CCDC7: variants seen among roughly 807,000 people sequenced by gnomAD.
The protein encoded by CCDC7 is coiled-coil domain-containing protein 7.
CCDC7 carries 183 observed loss-of-function variants against 196.9 expected under a neutral mutation model. That is an observed-to-expected ratio of 0.93 (90% CI 0.82 to 1.05). The LOEUF is 1.05. CCDC7 is among the 50% of genes least tolerant of loss of function. The pLI, the probability that CCDC7 is intolerant of heterozygous loss-of-function variation, is 0.00. For missense variants in CCDC7, 1,540 were observed against 1,482.2 expected (o/e 1.04, Z -0.64); for synonymous variants, 525 against 484.6 (o/e 1.08, Z -1.10).
intron 16 of CCDC7, among the ~76,000 whole-genome samples, chr10:32,577,317 G>A (rs1242711049): frequency 4.6e-5 from 7 of 152,006 alleles, no homozygotes; most frequent in East Asian, 1.9e-4. Context: ...AGCTGAGATC[G>A]TGCCACTGGG....
rs186993556 is a variant in CCDC7 at position 32,597,038 on chromosome 10, G to A, written c.1801+12734G>A. Among the ~76,000 whole-genome samples, 117 of 152,212 alleles carry A rather than the reference G, an allele frequency of 7.7e-4. 1 individual carries two copies. The East Asian group carries it at 0.015, about 19-fold the overall frequency. ...TCTTCTCAAGGAATATCTTTGTGGC[G>A]TTCTCTGTATTTCCCGAATTTGAAT... On this transcript the variant is annotated intron_variant, in intron 18 of 41. Transcript: ENST00000639629.
chr10:32,694,235 C>G (rs1441960927), intron 23 of CCDC7, among the ~76,000 whole-genome samples: 8 of 152,208 alleles, frequency 5.3e-5, no homozygotes, highest in African/African-American at 1.9e-4. Context: ...ATAATTGTCA[C>G]TTGTTTTTAT....
rs79992364 is a variant in CCDC7, at chr10:32,732,417, G to A, written c.2905+2960G>A. ...AAAACATGTATGTGCGTATATTCATGTATATTCTCCATTGTCGTTGATTAA... is the reference window on the plus strand; with the variant it reads ...AAAACATGTATGTGCGTATATTCATATATATTCTCCATTGTCGTTGATTAA... On this transcript the variant is annotated intron_variant, in intron 28 of 41. Transcript: ENST00000639629. Among the ~76,000 whole-genome samples, 985 of 152,196 alleles carry A rather than the reference G, an allele frequency of 6.5e-3. 8 individuals are homozygous for A. Among genetic ancestry groups the A allele is most frequent in the African/African-American group, 0.023 (939 of 41,546 alleles).
chr10:32,679,436 T>G (rs1016792585), intron 21 of CCDC7, among the ~76,000 whole-genome samples: 2 of 152,162 alleles, frequency 1.3e-5, no homozygotes, highest in Non-Finnish European at 2.9e-5. Flanking sequence ...TCCTCCTGAT[T>G]GTGGCACATA....
In CCDC7 at chr10:32,451,683, C is replaced by T. The variant is rs141307804; in HGVS notation, c.41C>T (p.Ser14Leu). 2.9e-3 allele frequency: 4,624 copies of T among 1,611,198 alleles called. 11 individuals carry two copies. The highest frequency in any genetic ancestry group is 3.5e-3 in the Non-Finnish European group (4,132 of 1,178,764). Reference sequence around the variant, plus strand: ...CATCTGTTGACCACCAGTAACAAATCGGCAAATGTTCCAGCATTAACTACT... The same window carrying T: ...CATCTGTTGACCACCAGTAACAAATTGGCAAATGTTCCAGCATTAACTACT... The change falls in exon 1 of 42, where the codon TCG (serine) becomes TTG (leucine). Residue 14 changes from serine (S) to leucine (L), a missense_variant. Physicochemically the swap from Ser to Leu is moderately radical, Grantham distance 145 (BLOSUM62 -2). Transcript: ENST00000639629.
intron 31 of CCDC7, among the ~76,000 whole-genome samples, chr10:32,819,850 G>A (rs889770892): frequency 2.0e-5 from 3 of 152,156 alleles, no homozygotes; most frequent in African/African-American, 7.2e-5. Flanking sequence ...CAAACCCACA[G>A]CCAATATCAT....
At chr10:32,759,281 G>A (rs1442699916) in intron 28 of CCDC7, among the ~76,000 whole-genome samples, 2 of 152,064 alleles carry the variant, frequency 1.3e-5, no homozygotes, top group Non-Finnish European at 1.5e-5. Flanking sequence ...AGCCCGCATT[G>A]CCAAGTCAAT....
chr10:32,642,125 C>T lies in CCDC7; in HGVS notation c.2014+6967C>T, dbSNP rs190860839. 2.0e-3 allele frequency among the ~76,000 whole-genome samples: 298 copies of T among 152,306 alleles called. 3 individuals are homozygous for T. Among genetic ancestry groups the T allele is most frequent in the African/African-American group, 6.8e-3 (283 of 41,568 alleles). On this transcript the variant is annotated intron_variant, in intron 20 of 41. Transcript: ENST00000639629. ...GACCCACTTGAGGAGGCAGTCTGTC[C>T]GTTCTCAGATCTCAAACTCCATGCT...
chr10:32,470,361 A>G (rs545884236), intron 5 of CCDC7, among the ~76,000 whole-genome samples: 8 of 152,184 alleles, frequency 5.3e-5, no homozygotes, highest in Admixed American at 1.3e-4. Context: ...GCTGACCCCA[A>G]TTGCTATTCT....
intron 21 of CCDC7, among the ~76,000 whole-genome samples, chr10:32,682,114 G>A (rs1233564151): frequency 6.6e-6 from 1 of 152,064 alleles, no homozygotes; most frequent in East Asian, 1.9e-4. Flanking sequence ...AAATGATTTT[G>A]TCACCAAGGT....
intron 35 of CCDC7, 70 bp from the exon 37 acceptor site, chr10:32,845,806 C>A: frequency 7.9e-7 from 1 of 1,267,056 alleles, no homozygotes; most frequent in South Asian, 1.3e-5. Flanking sequence ...TACACACACA[C>A]ACAGATACAC....
chr10:32,877,205 G>A (rs995783127), downstream of CCDC7: 5 of 151,832 alleles, frequency 3.3e-5, no homozygotes, highest in Non-Finnish European at 7.4e-5. Context: ...ATATAGTAAT[G>A]AAAAATGAAC....
chr10:32,697,400 G>T (rs528461798), intron 24 of CCDC7, among the ~76,000 whole-genome samples: 64 of 152,344 alleles, frequency 4.2e-4, no homozygotes, highest in African/African-American at 1.5e-3. Context: ...AGCACTAGGG[G>T]TCAGGGAATC....
At chr10:32,474,798 C>CTTG (rs1412001137) in intron 8 of CCDC7, among the ~76,000 whole-genome samples, 1 of 152,132 alleles carries the variant, frequency 6.6e-6, no homozygotes, top group Non-Finnish European at 1.5e-5. Flanking sequence ...AATTAACTTA[C>CTTG]TTGTGTCTTA....
chr10:32,486,561 G>A (rs1430701406), intron 8 of CCDC7, among the ~76,000 whole-genome samples: 1 of 32,316 alleles, frequency 3.1e-5, no homozygotes, highest in Admixed American at 4.5e-4. Flanking sequence ...TGGTTATTTT[G>A]CTCATTAGTT....
chr10:32,516,989 T>C (rs1328936151), intron 9 of CCDC7, among the ~76,000 whole-genome samples: 1 of 152,202 alleles, frequency 6.6e-6, no homozygotes, highest in Admixed American at 6.5e-5. Flanking sequence ...GTAACATAGA[T>C]AAACATAGAT....
rs183048698 is a variant in CCDC7, at chr10:32,794,807, G to C, written c.3014-10208G>C. Among the ~76,000 whole-genome samples, 347 of 152,220 alleles carry C rather than the reference G, an allele frequency of 2.3e-3. 1 individual carries two copies. Among genetic ancestry groups the C allele is most frequent in the African/African-American group, 8.1e-3 (338 of 41,532 alleles). On this transcript the variant is annotated intron_variant, in intron 29 of 41. Coordinates refer to ENST00000639629, the Ensembl canonical transcript of CCDC7. ...TGCTTGCTGATTTATGTTCCTTATA[G>C]ATTATGGATATTAGACTTTTGTCAA...
At chr10:32,481,262 T>C (rs1365407109) in intron 8 of CCDC7, among the ~76,000 whole-genome samples, 1 of 152,130 alleles carries the variant, frequency 6.6e-6, no homozygotes, top group African/African-American at 2.4e-5. Context: ...ATTCAGCCCT[T>C]CTGTGTCTTT....
chr10:32,687,526 G>T (rs1015837349), intron 22 of CCDC7, among the ~76,000 whole-genome samples: 3 of 152,184 alleles, frequency 2.0e-5, no homozygotes, highest in African/African-American at 2.4e-5. Flanking sequence ...TTGGGTAAGG[G>T]TCATGTTTTT....
Sources: gnomAD v4.1 joint callset for allele counts (sites outside exome capture counted in the v4.1 genomes callset) on GRCh38, gnomAD v4.1.1 for gene constraint, MANE v1.5 for transcripts, NCBI Gene and HGNC (gene_info 2026-07-23, HGNC 2026-07-21) for gene names.